The following OTOF variants were observed in gnomAD, a reference collection of about 807,000 sequenced individuals.
OTOF encodes otoferlin.
In OTOF, 218 loss-of-function variants were observed where a neutral mutation model predicts 236.8. The observed-to-expected ratio is 0.92, with a 90% CI of 0.82 to 1.03. The LOEUF (loss-of-function observed/expected upper bound fraction) is 1.03, where lower values mean the gene tolerates loss of function less well. OTOF is among the 50% of genes least tolerant of loss of function. The pLI is 0.00. For missense variants in OTOF, 2,590 were observed against 2,694.4 expected, an observed-to-expected ratio of 0.96 and a Z score of 0.86; for synonymous variants, 1,041 against 1,072.5, an observed-to-expected ratio of 0.97 and a Z score of 0.57.
rs373063149 is a variant in OTOF, at chr2:26,479,602, G to A, written c.1964C>T (p.Pro655Leu). ...TTCCTCATCCCCCGGCTCCTTCCGG[G>A]GCCGAGGCCGCTGGGGCCGGGACAG... Reference protein sequence around the residue: ...DGLSRPQRPRPRKEPGDEEEV... With the variant: ...DGLSRPQRPRLRKEPGDEEEV... The change falls in exon 17 of 47, where the codon CCC becomes CTC. Residue 655 changes from proline (P) to leucine (L), a missense_variant. Pro to Leu is a moderately conservative substitution (Grantham distance 98). Transcript: ENST00000272371. The A allele has an allele frequency of 2.5e-6, 4 of 1,612,594 alleles. No homozygotes were observed. The highest frequency in any genetic ancestry group is 2.7e-5 in the African/African-American group (2 of 75,048).
intron 18 of OTOF, chr2:26,478,096 C>T (rs1665408852): frequency 4.5e-6 from 6 of 1,336,250 alleles, no homozygotes; most frequent in Middle Eastern, 2.8e-4. Context: ...ACTGGATGTG[C>T]CAAGATCCTG....
chr2:26,536,218 T>C (rs1369181949), intron 2 of OTOF, among the ~76,000 whole-genome samples: 1 of 151,934 alleles, frequency 6.6e-6, no homozygotes, highest in African/African-American at 2.4e-5. Flanking sequence ...ATGATTCCAC[T>C]CTCACCATAA....
rs556493936 is a variant in OTOF, at chr2:26,502,319, T to C, written c.691A>G (p.Thr231Ala). 3.2e-5 allele frequency: 51 copies of C among 1,613,984 alleles called. 1 individual carries two copies. The South Asian group carries it at 5.1e-4, about 16-fold the overall frequency. ...ACTCACCGCTTGTTGGAGACATTAG[T>C]GGTGAGAGCTGTGACTGAGGCTAGA... is the stretch of plus-strand genomic sequence containing the variant. The part of the protein sequence containing the change: ...VSLASVTALT[T>A]NVSNKRSKPD... Residue 231 changes from threonine (T) to alanine (A), a missense_variant, in exon 7 of 47, where the codon ACT (threonine) becomes GCT (alanine). Physicochemically the swap from Thr to Ala is moderately conservative, Grantham distance 58. Around this residue, in one of 2 missense-constraint regions of OTOF, gnomAD observed 1,379 missense variants for 1,341.6 expected, o/e 1.03. Coordinates refer to ENST00000272371, the MANE Select transcript of OTOF (RefSeq NM_194248.3).
In OTOF at chr2:26,491,737, C is replaced by T. The variant is rs146758024; in HGVS notation, c.898-1997G>A. Among the ~76,000 whole-genome samples the T allele has an allele frequency of 3.9e-3, 589 of 152,306 alleles. 3 individuals are homozygous for T. Among genetic ancestry groups the T allele is most frequent in the Non-Finnish European group, 5.1e-3 (348 of 68,036 alleles). On this transcript the variant is annotated intron_variant, in intron 9 of 46. Coordinates refer to ENST00000272371, the MANE Select transcript of OTOF (RefSeq NM_194248.3). ...CTGGTTTGTGAATGGCCAGCTTGTT[C>T]CGGAAGGGCAAAGGTTTTGAGCTTC...
chr2:26,485,832 A>G (rs939054865), intron 11 of OTOF, among the ~76,000 whole-genome samples: 2 of 152,228 alleles, frequency 1.3e-5, no homozygotes, highest in Non-Finnish European at 2.9e-5. Flanking sequence ...ATAATGCCAC[A>G]GTAGAGTCTG....
rs376117319 is a variant in OTOF, at chr2:26,516,587, C to T, written c.340G>A (p.Val114Met). 2.9e-5 allele frequency: 46 copies of T among 1,606,604 alleles called. No individual in the cohort carries two copies. In the African/African-American group the frequency reaches 3.5e-4, roughly 12 times the overall value. The change falls in exon 5 of 47, where the codon GTG becomes ATG. Residue 114 changes from valine (V) to methionine (M), a missense_variant. This residue lies in a region of OTOF where 1,379 missense variants were observed against 1,341.6 expected (regional missense o/e 1.03). Coordinates refer to ENST00000272371, the MANE Select transcript of OTOF (RefSeq NM_194248.3). ...TCAGTGGCCTGATACCGGACCTCCA[C>T]GCACAGGCTGGTCTGAAGGGAGGGA... ...NNAIIKTSLCVEVRYQATDGT... is the reference protein window; with the variant it reads ...NNAIIKTSLCMEVRYQATDGT...
chr2:26,487,638 G>T (rs954868313), intron 11 of OTOF, among the ~76,000 whole-genome samples: 1 of 152,144 alleles, frequency 6.6e-6, no homozygotes, highest in African/African-American at 2.4e-5. Flanking sequence ...GAAGCCCAGA[G>T]GTCCATATTA....
rs774443507 is a variant in OTOF, at chr2:26,479,633, C to T, written c.1933G>A (p.Asp645Asn). The change falls in exon 17 of 47, where the codon GAT (aspartate) becomes AAT (asparagine). Residue 645 changes from aspartate to asparagine, a missense_variant. This residue lies in a region of OTOF where 1,379 missense variants were observed against 1,341.6 expected (regional missense o/e 1.03). Coordinates refer to ENST00000272371, the MANE Select transcript of OTOF (RefSeq NM_194248.3). ...GGCCGCTGGGGCCGGGACAGGCCAT[C>T]AACTTCGTTCCCATAGTTGCCTGGA... ...VTIGNYGNEV[D>N]GLSRPQRPRP... The T allele has an allele frequency of 6.2e-7, 1 of 1,612,578 alleles. No individual in the cohort carries two copies. Among genetic ancestry groups the T allele is most frequent in the Non-Finnish European group, 8.5e-7 (1 of 1,179,754 alleles).
chr2:26,488,695 C>T (rs894684462), intron 11 of OTOF, among the ~76,000 whole-genome samples: 1 of 152,360 alleles, frequency 6.6e-6, no homozygotes, highest in East Asian at 1.9e-4. Context: ...CTGACTTCAC[C>T]CCCGGCCAGC....
At position 26,464,163 on chromosome 2, in the gene OTOF, G is replaced by C; in HGVS notation, c.4961-57C>G. ...GGCTCAGCAGAACCAGAAGACCTTT[G>C]CTGGGACTAGGGACTTAGGAGCACA... On this transcript the variant is annotated intron_variant, in intron 39 of 46. Coordinates refer to ENST00000272371, the MANE Select transcript of OTOF (RefSeq NM_194248.3). The C allele has an allele frequency of 1.9e-6, 3 of 1,604,766 alleles. No individual in the cohort carries two copies. In the African/African-American group the frequency reaches 4.0e-5, roughly 21 times the overall value.
At chr2:26,532,758 G>GGCCAGCTGGTGCTGGCTGGT (rs1246492325) in intron 2 of OTOF, among the ~76,000 whole-genome samples, 2 of 152,148 alleles carry the variant, frequency 1.3e-5, no homozygotes, top group South Asian at 2.1e-4. Flanking sequence ...GGCTGGTGCT[G>GGCCAGCTGGTGCTGGCTGGT]GCCGGGGCAC....
At chr2:26,526,166 T>C (rs576713106) in intron 3 of OTOF, among the ~76,000 whole-genome samples, 134 of 141,364 alleles carry the variant, frequency 9.5e-4, no homozygotes, top group African/African-American at 3.4e-3. Flanking sequence ...GAAGGATGAA[T>C]GGAAAGGATG....
chr2:26,463,491 C>A lies in OTOF; in HGVS notation c.5184G>T (p.Lys1728Asn). Residue 1728 changes from lysine to asparagine, a missense_variant, in exon 41 of 47, where the codon AAG (lysine) becomes AAT (asparagine). Lys to Asn is a moderately conservative substitution (Grantham distance 94, BLOSUM62 0). Coordinates refer to ENST00000272371, the MANE Select transcript of OTOF (RefSeq NM_194248.3). Reference protein sequence around the residue: ...PGTPLDISPRKPKKYELRVII... With the variant: ...PGTPLDISPRNPKKYELRVII... ...GGCCCCAGGCCGCTCACTTCTTGGGCTTCCGAGGTGAGATGTCCAGAGGCG... is the reference window on the plus strand; with the variant it reads ...GGCCCCAGGCCGCTCACTTCTTGGGATTCCGAGGTGAGATGTCCAGAGGCG... 1 of 1,603,152 alleles carries A rather than the reference C, an allele frequency of 6.2e-7. No homozygotes were observed. Among genetic ancestry groups the A allele is most frequent in the South Asian group, 1.1e-5 (1 of 88,606 alleles).
At chr2:26,538,438 G>A (rs1241647359) in intron 1 of OTOF, among the ~76,000 whole-genome samples, 1 of 152,236 alleles carries the variant, frequency 6.6e-6, no homozygotes, top group East Asian at 1.9e-4. Context: ...CACTGGCATG[G>A]GAAGTAGAGA....
chr2:26,543,624 G>C (rs927523787), intron 1 of OTOF, among the ~76,000 whole-genome samples: 4 of 152,180 alleles, frequency 2.6e-5, no homozygotes, highest in Non-Finnish European at 4.4e-5. Context: ...AAATAATAAT[G>C]CTTACAATAG....
Position 26,551,683 on chromosome 2 carries a change from C to T in OTOF, c.79+6810G>A, listed in dbSNP as rs1326440117. 3.9e-5 allele frequency among the ~76,000 whole-genome samples: 6 copies of T among 152,194 alleles called. No individual in the cohort carries two copies. The East Asian group carries it at 9.6e-4, about 24-fold the overall frequency. On this transcript the variant is annotated intron_variant, in intron 1 of 46. Coordinates refer to ENST00000272371, the MANE Select transcript of OTOF (RefSeq NM_194248.3). ...GGCACATGGCTGCCCTTCAACAGAA[C>T]GAGTGGATAAATGATTAAATACCTG...
chr2:26,463,554 C>A lies in OTOF; in HGVS notation c.5121G>T (p.Trp1707Cys). The A allele has an allele frequency of 6.2e-7, 1 of 1,606,104 alleles. No individual in the cohort carries two copies. Among genetic ancestry groups the A allele is most frequent in the Non-Finnish European group, 8.5e-7 (1 of 1,176,586 alleles). Residue 1707 changes from tryptophan (W) to cysteine (C), a missense_variant, in exon 41 of 47, where the codon TGG becomes TGT. Coordinates refer to ENST00000272371, the MANE Select transcript of OTOF (RefSeq NM_194248.3). Reference sequence around the variant, plus strand: ...GCATGTCCATGGGGAACATGTCCACCCACAGCTCCAGGCGGCCCTGAGGAA... The same window carrying A: ...GCATGTCCATGGGGAACATGTCCACACACAGCTCCAGGCGGCCCTGAGGAA... ...PGIEQGRLEL[W>C]VDMFPMDMPA...
In OTOF at chr2:26,494,868, A is replaced by G; in HGVS notation, c.897+74T>C. ...TGCTCCTTGACTTCCAGCCACTCCT[A>G]TTTCTCCTGGGGAGGGCTGGGGCCA... On this transcript the variant is annotated intron_variant, in intron 9 of 46. Transcript: ENST00000272371. The G allele has an allele frequency of 1.9e-6, 3 of 1,580,700 alleles. No individual in the cohort carries two copies. The South Asian group carries it at 3.3e-5, about 17-fold the overall frequency.
chr2:26,480,798 C>T lies in OTOF; in HGVS notation c.1791G>A (p.Thr597=), dbSNP rs369375897. 130 of 1,612,174 alleles carry T rather than the reference C, an allele frequency of 8.1e-5. No homozygotes were observed. In the Middle Eastern group the frequency reaches 8.7e-4, roughly 11 times the overall value. The change falls in exon 15 of 47, where the codon ACG becomes ACA. Residue 597 remains threonine, a synonymous_variant. Coordinates refer to ENST00000272371, the MANE Select transcript of OTOF (RefSeq NM_194248.3). The stretch of plus-strand genomic sequence containing the variant: ...CCTGGGGTCTCACCTCCGAGATGGG[C>T]GTGGCCTGCTCCACCTGCACCTCTG... ...SSTEVQVEQA[T]PISESCAGKM... is the part of the protein sequence containing the mutation.
Sources: gnomAD v4.1 joint callset for allele counts (sites outside exome capture counted in the v4.1 genomes callset) on GRCh38, gnomAD v4.1.1 for gene constraint, gnomAD v4.1.1 regional missense constraint, MANE v1.5 for transcripts, NCBI Gene and HGNC (gene_info 2026-07-23, HGNC 2026-07-21) for gene names.